Variants in SERPINA9 observed in about 807,000 individuals in gnomAD.
The protein encoded by SERPINA9 is serpin A9.
SERPINA9 carries 32 observed loss-of-function variants against 24.5 expected under a neutral mutation model. The ratio of observed to expected loss-of-function variants is 1.30; its 90% CI spans 0.98 to 1.75. The LOEUF (loss-of-function observed/expected upper bound fraction) is 1.75. Ranked by LOEUF, SERPINA9 falls within the 40% of genes most tolerant of loss-of-function variation. The pLI is 0.00. For synonymous variants in SERPINA9, 233 were observed against 197.7 expected, an observed-to-expected ratio of 1.18 and a Z score of -1.50; for missense variants, 594 against 497.1, an observed-to-expected ratio of 1.19 and a Z score of -1.85.
intron 1 of SERPINA9, among the ~76,000 whole-genome samples, chr14:94,473,506 T>G (rs1595672723): frequency 2.8e-5 from 3 of 105,550 alleles, no homozygotes; most frequent in Admixed American, 1.3e-4. Flanking sequence ...GCAACAAGAG[T>G]GAAACTCTGT....
chr14:94,471,843 T>C (rs1174475819), intron 1 of SERPINA9, among the ~76,000 whole-genome samples: 3 of 152,080 alleles, frequency 2.0e-5, no homozygotes, highest in Non-Finnish European at 4.4e-5. Flanking sequence ...CCCACATCGT[T>C]CTTCCTCCCC....
At position 94,469,690 on chromosome 14, in the gene SERPINA9, A is replaced by G; in HGVS notation, c.151T>C (p.Phe51Leu). 6.2e-7 allele frequency: 1 copy of G among 1,612,796 alleles called. No individual in the cohort carries two copies. ...ASQVYSLNTD[F>L]AFRLYRRLVL... is the part of the protein sequence containing the mutation. The stretch of plus-strand genomic sequence containing the variant: ...AGCCTGCGGTATAGGCGGAAGGCAA[A>G]GTCGGTGTTGAGGGAATACACCTGT... The change falls in exon 2 of 5, where the codon TTT becomes CTT. Residue 51 changes from phenylalanine (F) to leucine (L), a missense_variant. Phe to Leu is a conservative substitution (Grantham distance 22). Transcript: ENST00000674397.
intron 1 of SERPINA9, chr14:94,475,799 G>A (rs1030323283): frequency 1.2e-5 from 5 of 400,560 alleles, no homozygotes; most frequent in Non-Finnish European, 2.2e-5. Flanking sequence ...AACCAACAAC[G>A]ACACAACAAC....
At position 94,463,263 on chromosome 14, in the gene SERPINA9, C is replaced by T. The variant is rs1898829609; in HGVS notation, c.1084G>A (p.Glu362Lys). ...THKAVLDVSE[E>K]GTEATAATTT... Reference sequence around the variant, plus strand: ...GTAGCTGCTGTGGCCTCAGTGCCCTCTTCACTGACATCCAGCACAGCCTTG... The same window carrying T: ...GTAGCTGCTGTGGCCTCAGTGCCCTTTTCACTGACATCCAGCACAGCCTTG... Residue 362 changes from glutamate to lysine, a missense_variant, in exon 5 of 5, where the codon GAG (glutamate) becomes AAG (lysine). Transcript: ENST00000674397. The T allele has an allele frequency of 1.9e-6, 3 of 1,614,074 alleles. No homozygotes were observed. The South Asian group carries it at 3.3e-5, about 18-fold the overall frequency.
chr14:94,476,106 C>T, intron 1 of SERPINA9, 30 bp downstream of exon 1: 2 of 1,614,078 alleles, frequency 1.2e-6, no homozygotes, highest in Non-Finnish European at 1.7e-6. Context: ...CACCACATTC[C>T]CGATCTCTCT....
At chr14:94,473,594 A>C (rs1899433865) in intron 1 of SERPINA9, among the ~76,000 whole-genome samples, 1 of 151,960 alleles carries the variant, frequency 6.6e-6, no homozygotes, top group Non-Finnish European at 1.5e-5. Flanking sequence ...CCTGGAATAT[A>C]AGACTGAAAC....
chr14:94,467,333 T>C lies in SERPINA9; in HGVS notation c.678A>G (p.Pro226=), dbSNP rs1899056226. 5 of 1,613,922 alleles carry C rather than the reference T, an allele frequency of 3.1e-6. No homozygotes were observed. Among genetic ancestry groups the C allele is most frequent in the Non-Finnish European group, 4.2e-6 (5 of 1,179,852 alleles). Residue 226 remains proline (P), a synonymous_variant, in exon 3 of 5, where the codon CCA becomes CCG. Transcript: ENST00000674397. ...FHPEYTRKNF[P]FLVGEQVTVH... ...CAGTGACCTGCTCGCCCACCAGGAA[T>C]GGGAAGTTCTTTCTTGTATATTCAG...
intron 1 of SERPINA9, among the ~76,000 whole-genome samples, chr14:94,474,137 G>T (rs1899460324): frequency 6.6e-6 from 1 of 152,246 alleles, no homozygotes. Context: ...GGGGAAGCGG[G>T]TGCTGCCAGG....
chr14:94,471,640 T>C (rs748483588), intron 1 of SERPINA9, among the ~76,000 whole-genome samples: 2 of 152,206 alleles, frequency 1.3e-5, no homozygotes, highest in Non-Finnish European at 2.9e-5. Context: ...GGAATTTTCT[T>C]TCTAAGTTAC....
In SERPINA9 at chr14:94,464,808, T is replaced by C. The variant is rs775178790; in HGVS notation, c.949A>G (p.Asn317Asp). 6.2e-7 allele frequency: 1 copy of C among 1,613,610 alleles called. No homozygotes were observed. The highest frequency in any genetic ancestry group is 8.5e-7 in the Non-Finnish European group (1 of 1,179,712). The change falls in exon 4 of 5, where the codon AAT becomes GAT. Residue 317 changes from asparagine to aspartate, a missense_variant. By Grantham distance (23) the Asn-to-Asp change is conservative. Coordinates refer to ENST00000674397, the MANE Select transcript of SERPINA9 (RefSeq NM_175739.4). ...ATCTTCGGGAGGATGGTTTCCAGAT[T>C]GTAGGAGGCAGAAATGGAAAATCTG... ...IPRFSISASYNLETILPKMGI... is the reference protein window; with the variant it reads ...IPRFSISASYDLETILPKMGI...
At chr14:94,471,550 CTG>C (rs1156556274) in intron 1 of SERPINA9, among the ~76,000 whole-genome samples, 1 of 152,168 alleles carries the variant, frequency 6.6e-6, no homozygotes, top group Admixed American at 6.5e-5. Flanking sequence ...TTTTGCAAAC[CTG>C]TTCATTTCTC....
chr14:94,475,441 C>CACACACACACACACACACAT (rs1377613097), intron 1 of SERPINA9, among the ~76,000 whole-genome samples: 29 of 15,364 alleles, frequency 1.9e-3, no homozygotes, highest in Non-Finnish European at 5.0e-3. Context: ...CACACATACA[C>CACACACACACACACACACAT]ACACACACAC....
chr14:94,475,632 T>C (rs553282850), intron 1 of SERPINA9, among the ~76,000 whole-genome samples: 1 of 152,238 alleles, frequency 6.6e-6, no homozygotes, highest in Admixed American at 6.5e-5. Flanking sequence ...TCGGCCCTCC[T>C]TTGAGGTCCA....
chr14:94,464,389 C>T (rs1290185757), intron 4 of SERPINA9: 6 of 425,572 alleles, frequency 1.4e-5, no homozygotes, highest in Non-Finnish European at 2.5e-5. Flanking sequence ...CACTGTGATG[C>T]CTGTGTGAGG....
intron 1 of SERPINA9, among the ~76,000 whole-genome samples, chr14:94,470,401 G>A (rs564472691): frequency 1.3e-5 from 2 of 152,238 alleles, no homozygotes; most frequent in Non-Finnish European, 2.9e-5. Context: ...TGTCCTTTTT[G>A]CTGTGCTCCT....
At position 94,467,222 on chromosome 14, in the gene SERPINA9, G is replaced by C. The variant is rs1287732141; in HGVS notation, c.789C>G (p.Tyr263Ter). 5 of 1,614,224 alleles carry C rather than the reference G, an allele frequency of 3.1e-6. No individual in the cohort carries two copies. Among genetic ancestry groups the C allele is most frequent in the Non-Finnish European group, 4.2e-6 (5 of 1,180,038 alleles). ...CAAAGAAGGCCACGGCATCTCCCTTGTAATCCATCTGCAGCACAAAGCAGT... is the reference window on the plus strand; with the variant it reads ...CAAAGAAGGCCACGGCATCTCCCTTCTAATCCATCTGCAGCACAAAGCAGT... Reference protein sequence around the residue: ...ELNCFVLQMDYKGDAVAFFVL... With the variant: ...ELNCFVLQMD The change falls in exon 3 of 5, where the codon TAC (tyrosine) becomes TAG (stop). Residue 263 changes from tyrosine (Y) to a stop codon, truncating the protein, a stop_gained. Transcript: ENST00000674397. LOFTEE classifies it high-confidence loss of function.
Position 94,469,577 on chromosome 14 carries a change from T to TGAGTGGGCCCCAAG in SERPINA9, c.250_263dup (p.Val89LeufsTer38). On this transcript the variant is annotated frameshift_variant, in exon 2 of 5. Transcript: ENST00000674397. LOFTEE classifies it high-confidence loss of function. ...CCTGGAGAATCTGGGTCTTGGTGACTGAGTGGGCCCCAAGGGAGAGCATGG... is the reference window on the plus strand; with the variant it reads ...CCTGGAGAATCTGGGTCTTGGTGACTGAGTGGGCCCCAAGGAGTGGGCCCCAAGGGAGAGCATGG... 1 of 1,614,084 alleles carries TGAGTGGGCCCCAAG rather than the reference T, an allele frequency of 6.2e-7. No individual in the cohort carries two copies. The highest frequency in any genetic ancestry group is 1.3e-5 in the African/African-American group (1 of 74,998).
intron 1 of SERPINA9, among the ~76,000 whole-genome samples, chr14:94,470,503 C>T (rs1036391737): frequency 7.2e-5 from 11 of 152,236 alleles, no homozygotes; most frequent in Non-Finnish European, 1.5e-4. Context: ...GCTGACATGG[C>T]TTTGGCCCCA....
At position 94,463,583 on chromosome 14, in the gene SERPINA9, C is replaced by T. The variant is rs77893280; in HGVS notation, c.1051-287G>A. On this transcript the variant is annotated intron_variant, in intron 4 of 4. Transcript: ENST00000674397. ...AAAATTATTAAGATGCTGCGTGCTT[C>T]AGGTTCCCGATCTATAAAAGGTAAT... is the stretch of plus-strand genomic sequence containing the variant. Among the ~76,000 whole-genome samples, 2,953 of 152,312 alleles carry T rather than the reference C, an allele frequency of 0.019. 288 individuals are homozygous for T. In the East Asian group the frequency reaches 0.32, roughly 17 times the overall value.
Sources: allele counts gnomAD v4.1 joint callset (sites outside exome capture counted in the v4.1 genomes callset), GRCh38; gene constraint gnomAD v4.1.1; transcripts MANE v1.5; gene names NCBI Gene and HGNC (gene_info 2026-07-23, HGNC 2026-07-21).